Variants in DNAH7 observed in about 807,000 individuals in gnomAD.
The protein encoded by DNAH7 is dynein axonemal heavy chain 7.
Under a neutral mutation model 444.6 loss-of-function variants are expected in DNAH7, and 397 were observed. The observed-to-expected ratio is 0.89, with a 90% CI of 0.82 to 0.97. The LOEUF (loss-of-function observed/expected upper bound fraction) is 0.97. Ranked by LOEUF, DNAH7 falls within the 50% of genes least tolerant of loss-of-function variation. DNAH7 has a pLI of 0.00. For missense variants in DNAH7, 4,902 were observed against 4,800.8 expected (o/e 1.02, Z -0.62); for synonymous variants, 1,636 against 1,624.4 (o/e 1.01, Z -0.17).
chr2:195,978,257 G>A (rs544340351), intron 15 of DNAH7, among the ~76,000 whole-genome samples: 1 of 152,194 alleles, frequency 6.6e-6, no homozygotes, highest in South Asian at 2.1e-4. Context: ...GGGGGATACA[G>A]TCAAAACATA....
intron 39 of DNAH7, among the ~76,000 whole-genome samples, chr2:195,872,938 A>C (rs1277289695): frequency 1.3e-5 from 2 of 150,434 alleles, no homozygotes; most frequent in Non-Finnish European, 3.0e-5. Context: ...AAAGAGAAAA[A>C]AAGGAAAGTA....
intron 10 of DNAH7, among the ~76,000 whole-genome samples, chr2:196,002,104 C>T (rs561240767): frequency 7.9e-5 from 12 of 152,292 alleles, no homozygotes; most frequent in African/African-American, 2.9e-4. Flanking sequence ...AATTCTAACT[C>T]CTGGAACTAT....
intron 5 of DNAH7, among the ~76,000 whole-genome samples, chr2:196,029,279 A>G (rs573131950): frequency 2.2e-4 from 34 of 152,140 alleles, no homozygotes; most frequent in African/African-American, 8.0e-4. Flanking sequence ...TGTTTGTTTT[A>G]TGGCAGAAAT....
At chr2:195,872,817 T>G (rs1191975178) in intron 39 of DNAH7, among the ~76,000 whole-genome samples, 4 of 151,906 alleles carry the variant, frequency 2.6e-5, no homozygotes, top group Non-Finnish European at 2.9e-5. Context: ...CCTCTTTCAT[T>G]CCCTGGCATT....
intron 44 of DNAH7, among the ~76,000 whole-genome samples, chr2:195,856,519 TTAAC>T (rs1367691181): frequency 3.9e-5 from 6 of 152,182 alleles, no homozygotes; most frequent in Non-Finnish European, 7.3e-5. Flanking sequence ...AAATTAATCA[TTAAC>T]TAATATCATG....
At position 195,737,799 on chromosome 2, in the gene DNAH7, C is replaced by A; in HGVS notation, c.*122G>T. ...AGCTGCATTTGCTCATAAGTAAATT[C>A]ATAATTATAACTTTAGTCAAATGTA... On this transcript the variant is annotated 3_prime_UTR_variant, in exon 65 of 65. Transcript: ENST00000312428. 1.2e-6 allele frequency: 1 copy of A among 828,258 alleles called. No homozygotes were observed. The allele number at this position is 828,258 out of a possible 1,614,324, so 51.3% of individuals were successfully genotyped here.
chr2:195,833,264 ATG>A (rs1698162133), intron 48 of DNAH7, among the ~76,000 whole-genome samples: 2 of 152,320 alleles, frequency 1.3e-5, no homozygotes, highest in Admixed American at 1.3e-4. Flanking sequence ...ACACGTGTGC[ATG>A]TGTCTGTGTG....
intron 15 of DNAH7, among the ~76,000 whole-genome samples, chr2:195,976,919 T>A (rs996417076): frequency 4.6e-5 from 7 of 152,206 alleles, no homozygotes; most frequent in Non-Finnish European, 8.8e-5. Flanking sequence ...TCCACAGTGT[T>A]ACTGGGCTTG....
intron 51 of DNAH7, among the ~76,000 whole-genome samples, chr2:195,816,116 T>C (rs1489103659): frequency 6.6e-6 from 1 of 152,214 alleles, no homozygotes. Flanking sequence ...ATTCCATTAC[T>C]TATTGTAATA....
At chr2:195,748,889 G>A (rs1021072967) in intron 63 of DNAH7, among the ~76,000 whole-genome samples, 8 of 152,148 alleles carry the variant, frequency 5.3e-5, no homozygotes, top group Admixed American at 1.3e-4. Flanking sequence ...AACCCTAGAA[G>A]AAAACCAAGG....
intron 15 of DNAH7, among the ~76,000 whole-genome samples, chr2:195,984,155 G>A (rs1692752071): frequency 6.6e-6 from 1 of 151,978 alleles, no homozygotes; most frequent in Non-Finnish European, 1.5e-5. Flanking sequence ...GAGCCTGCTG[G>A]GGCTTGAGGG....
At chr2:195,800,446 C>T (rs774669620) in intron 54 of DNAH7, among the ~76,000 whole-genome samples, 1 of 152,174 alleles carries the variant, frequency 6.6e-6, no homozygotes. Context: ...AATACTCTAA[C>T]ATGATATTGT....
chr2:195,956,207 A>G (rs971671894), intron 19 of DNAH7, among the ~76,000 whole-genome samples: 1 of 152,200 alleles, frequency 6.6e-6, no homozygotes, highest in African/African-American at 2.4e-5. Context: ...TCAGGGTAAG[A>G]CATTTTTAAG....
intron 10 of DNAH7, among the ~76,000 whole-genome samples, chr2:196,008,007 T>C (rs1378439418): frequency 6.6e-6 from 1 of 152,118 alleles, no homozygotes; most frequent in Non-Finnish European, 1.5e-5. Flanking sequence ...AATAATATAA[T>C]TGATAAGGGT....
At chr2:195,808,947 TAA>T (rs1463560514) in intron 52 of DNAH7, 71 bp from the exon 53 acceptor site, 1 of 1,351,746 alleles carries the variant, frequency 7.4e-7, no homozygotes, top group Non-Finnish European at 1.0e-6. Context: ...ACAACCATTA[TAA>T]AAGAGTTGAG....
intron 31 of DNAH7, among the ~76,000 whole-genome samples, chr2:195,890,719 A>C (rs985648823): frequency 2.0e-5 from 3 of 152,138 alleles, no homozygotes; most frequent in African/African-American, 7.2e-5. Context: ...TCTCTGCCCC[A>C]TGAGAGTCAG....
chr2:195,909,404 T>C (rs1403287461), intron 25 of DNAH7, among the ~76,000 whole-genome samples: 2 of 152,116 alleles, frequency 1.3e-5, no homozygotes, highest in Admixed American at 6.6e-5. Context: ...CAGATGTTTA[T>C]AGGTTTATAG....
chr2:195,993,063 C>T (rs920641408), intron 12 of DNAH7, among the ~76,000 whole-genome samples: 4 of 152,184 alleles, frequency 2.6e-5, no homozygotes, highest in African/African-American at 7.2e-5. Context: ...AAGTGGTCTC[C>T]GAGTGCAGCG....
intron 62 of DNAH7, 31 bp from the exon 63 acceptor site, chr2:195,754,545 T>G (rs776344398): frequency 6.3e-7 from 1 of 1,593,842 alleles, no homozygotes; most frequent in South Asian, 1.1e-5. Flanking sequence ...GGGCTAACAG[T>G]AGCACCTTTC....
Sources: allele counts gnomAD v4.1 joint callset (sites outside exome capture counted in the v4.1 genomes callset), GRCh38; gene constraint gnomAD v4.1.1; transcripts MANE v1.5; gene names NCBI Gene and HGNC (gene_info 2026-07-23, HGNC 2026-07-21).